The following ZIM2 variants were observed in gnomAD, a reference collection of about 807,000 sequenced individuals.
ZIM2 encodes zinc finger protein 656.
ZIM2 carries 14 observed loss-of-function variants against 38.6 expected under a neutral mutation model. The ratio of observed to expected loss-of-function variants is 0.36; its 90% CI spans 0.24 to 0.57. The LOEUF (loss-of-function observed/expected upper bound fraction) is 0.57, where lower values mean the gene tolerates loss of function less well. Among genes scored for constraint, ZIM2 ranks in the 20% least tolerant of loss-of-function variants. ZIM2 has a pLI of 0.81. For missense variants in ZIM2, 680 were observed against 695.1 expected (o/e 0.98, Z 0.24); for synonymous variants, 247 against 245.8 (o/e 1.00, Z -0.04).
At chr19:56,781,381 C>T (rs2046323687) in intron 11 of ZIM2, among the ~76,000 whole-genome samples, 1 of 152,172 alleles carries the variant, frequency 6.6e-6, no homozygotes, top group South Asian at 2.1e-4. Context: ...ACAATTTTGC[C>T]TCCGCACGTA....
chr19:56,816,028 G>A, intron 9 of ZIM2: 1 of 1,594,672 alleles, frequency 6.3e-7, no homozygotes, highest in Non-Finnish European at 8.5e-7. Context: ...CTGAATGGTA[G>A]ACTCTGCCAT....
In ZIM2 at chr19:56,817,752, T is replaced by C; in HGVS notation, c.484A>G (p.Ser162Gly). The C allele has an allele frequency of 6.2e-7, 1 of 1,613,882 alleles. No individual in the cohort carries two copies. The highest frequency in any genetic ancestry group is 1.1e-5 in the South Asian group (1 of 91,070). ...GGATGTGCCTCCTGCTTACCTCGAC[T>C]GGTGCTTGGGTAGGCACTTCTCTTG... ...RSKRSAYPST[S>G]RGFLAQDSVP... The change falls in exon 9 of 13, where the codon AGT (serine) becomes GGT (glycine). Residue 162 changes from serine (S) to glycine (G), a missense_variant. By Grantham distance (56) the Ser-to-Gly change is moderately conservative. Coordinates refer to ENST00000629319, the MANE Select transcript of ZIM2 (RefSeq NM_001387356.1).
At position 56,822,717 on chromosome 19, in the gene ZIM2, T is replaced by C. The variant is rs760519863; in HGVS notation, c.190+36A>G. 3.2e-5 allele frequency: 51 copies of C among 1,611,024 alleles called. 1 individual carries two copies. The South Asian group carries it at 4.8e-4, about 15-fold the overall frequency. On this transcript the variant is annotated intron_variant, in intron 6 of 12. Transcript: ENST00000629319. ...GAACCTGTGCACAGCACATGCTCTA[T>C]ATCTCCTACTGGGAAAGAAAGTGGT... is the stretch of plus-strand genomic sequence containing the variant.
At chr19:56,793,442 G>A (rs1419416494) in intron 9 of ZIM2, among the ~76,000 whole-genome samples, 2 of 152,188 alleles carry the variant, frequency 1.3e-5, no homozygotes, top group African/African-American at 2.4e-5. Flanking sequence ...GAAGACGGTA[G>A]GCAGGGCTGT....
At chr19:56,805,325 A>G (rs2047705532) in intron 9 of ZIM2, among the ~76,000 whole-genome samples, 1 of 152,186 alleles carries the variant, frequency 6.6e-6, no homozygotes, top group African/African-American at 2.4e-5. Flanking sequence ...AACTTTAGGG[A>G]GAGTCTGGGA....
chr19:56,789,541 A>G (rs1268017356), intron 10 of ZIM2, among the ~76,000 whole-genome samples: 1 of 152,228 alleles, frequency 6.6e-6, no homozygotes, highest in African/African-American at 2.4e-5. Context: ...ATAAAATAGA[A>G]TACTAAAAAA....
intron 9 of ZIM2, among the ~76,000 whole-genome samples, chr19:56,797,117 G>C (rs1053847802): frequency 6.6e-6 from 1 of 152,106 alleles, no homozygotes; most frequent in Non-Finnish European, 1.5e-5. Context: ...TTTGAGACCA[G>C]CCTAATCAAC....
At chr19:56,819,397 T>A (rs1240349536) in intron 7 of ZIM2, among the ~76,000 whole-genome samples, 1 of 152,214 alleles carries the variant, frequency 6.6e-6, no homozygotes, top group Non-Finnish European at 1.5e-5. Flanking sequence ...AAAGGAATTT[T>A]AAAATTCCTC....
At chr19:56,813,363 T>C in intron 9 of ZIM2, 1 of 1,146,986 alleles carries the variant, frequency 8.7e-7, no homozygotes, top group Non-Finnish European at 1.1e-6. Flanking sequence ...ACAAGTGTCA[T>C]TTACAGTTGA....
At chr19:56,828,285 A>C (rs1399557364) in intron 2 of ZIM2, among the ~76,000 whole-genome samples, 1 of 152,220 alleles carries the variant, frequency 6.6e-6, no homozygotes, top group Non-Finnish European at 1.5e-5. Flanking sequence ...TCAACTTTGA[A>C]ACCTGTTAGA....
intron 9 of ZIM2, among the ~76,000 whole-genome samples, chr19:56,801,060 G>A (rs1600797896): frequency 1.3e-5 from 2 of 150,478 alleles, no homozygotes; most frequent in East Asian, 4.0e-4. Context: ...TCAGCCTCCC[G>A]AGTAGCTGGG....
intron 10 of ZIM2, among the ~76,000 whole-genome samples, chr19:56,788,375 G>A (rs1253871066): frequency 3.9e-5 from 6 of 152,034 alleles, no homozygotes; most frequent in Non-Finnish European, 7.4e-5. Flanking sequence ...TGAGTCATTC[G>A]GGAGCAGGTT....
At chr19:56,836,804 A>G (rs1389788793) in intron 1 of ZIM2, among the ~76,000 whole-genome samples, 1 of 152,100 alleles carries the variant, frequency 6.6e-6, no homozygotes, top group Non-Finnish European at 1.5e-5. Flanking sequence ...CCCCTGGTCT[A>G]CTAAAAATAT....
intron 9 of ZIM2, among the ~76,000 whole-genome samples, chr19:56,801,783 G>T (rs1568586290): frequency 6.6e-6 from 1 of 152,148 alleles, no homozygotes; most frequent in African/African-American, 2.4e-5. Context: ...ATTAGAGCTC[G>T]ATGCTCTCAT....
At position 56,824,933 on chromosome 19, in the gene ZIM2, C is replaced by A. The variant is rs188701245; in HGVS notation, c.-150-506G>T. 1.1e-5 allele frequency: 4 copies of A among 357,554 alleles called. No homozygotes were observed. The South Asian group carries it at 2.8e-4, about 25-fold the overall frequency. The allele number at this position is 357,554 out of a possible 1,614,324, so 22.1% of individuals were successfully genotyped here. On this transcript the variant is annotated intron_variant, in intron 3 of 12. Coordinates refer to ENST00000629319, the MANE Select transcript of ZIM2 (RefSeq NM_001387356.1). ...CCTCTGGGCTTCACAGAGACCTACT[C>A]GAGGAGTTAGCTCGGCTACTAACTT...
At chr19:56,826,688 C>A (rs1000892475) in intron 2 of ZIM2, among the ~76,000 whole-genome samples, 1 of 152,038 alleles carries the variant, frequency 6.6e-6, no homozygotes, top group African/African-American at 2.4e-5. Context: ...AAGTCAAAAA[C>A]GCAAGACAAA....
chr19:56,782,441 A>G (rs536340276), intron 10 of ZIM2: 132 of 465,690 alleles, frequency 2.8e-4, no homozygotes, highest in Non-Finnish European at 3.0e-5. Flanking sequence ...GTTCTTTGTG[A>G]GTTTGGGTAG....
In ZIM2 at chr19:56,824,445, A is replaced by G. The variant is rs1476346396; in HGVS notation, c.-150-18T>C. 6.2e-6 allele frequency: 10 copies of G among 1,614,022 alleles called. No individual in the cohort carries two copies. Among genetic ancestry groups the G allele is most frequent in the Non-Finnish European group, 7.6e-6 (9 of 1,180,036 alleles). On this transcript the variant is annotated intron_variant, in intron 3 of 12. Transcript: ENST00000629319. ...GTCTCCGGCTGCAACCAATCGAGGCAGAGGTTTCGGAGTTTGATCAGGGTC... is the reference window on the plus strand; with the variant it reads ...GTCTCCGGCTGCAACCAATCGAGGCGGAGGTTTCGGAGTTTGATCAGGGTC...
chr19:56,787,368 C>T (rs1482034910), intron 10 of ZIM2, among the ~76,000 whole-genome samples: 3 of 151,838 alleles, frequency 2.0e-5, no homozygotes, highest in Non-Finnish European at 4.4e-5. Flanking sequence ...CTCTGCCTCC[C>T]AGGTTCAAGT....
Sources: allele counts gnomAD v4.1 joint callset (sites outside exome capture counted in the v4.1 genomes callset), GRCh38; gene constraint gnomAD v4.1.1; transcripts MANE v1.5; gene names NCBI Gene and HGNC (gene_info 2026-07-23, HGNC 2026-07-21).